The following SLCO3A1 variants were observed in gnomAD, a reference collection of about 807,000 sequenced individuals.
The protein encoded by SLCO3A1 is PGE1 transporter.
A neutral mutation model predicts 63.1 loss-of-function variants in SLCO3A1; 27 were observed. That is an observed-to-expected ratio of 0.43 (90% CI 0.32 to 0.59). SLCO3A1 has a LOEUF of 0.59. Ranked by LOEUF, SLCO3A1 falls within the 20% of genes least tolerant of loss-of-function variation. The pLI is 0.09. For missense variants in SLCO3A1, 773 were observed against 945.8 expected (o/e 0.82, Z 2.40); for synonymous variants, 473 against 409.9 (o/e 1.15, Z -1.86).
chr15:91,985,566 A>G (rs2151439604), intron 2 of SLCO3A1, among the ~76,000 whole-genome samples: 1 of 152,146 alleles, frequency 6.6e-6, no homozygotes, highest in Non-Finnish European at 1.5e-5. Context: ...CCTAATGAGC[A>G]CGGGTTGAGG....
rs557822386 is a variant in SLCO3A1, at chr15:92,116,386, C to T, written c.1010-4079C>T. 1.3e-3 allele frequency among the ~76,000 whole-genome samples: 204 copies of T among 152,344 alleles called. 1 individual carries two copies. The highest frequency in any genetic ancestry group is 4.6e-3 in the African/African-American group (190 of 41,584). On this transcript the variant is annotated intron_variant, in intron 4 of 9. Transcript: ENST00000318445. The stretch of plus-strand genomic sequence containing the variant: ...GAGACCGCTCTCCTGCCGCTCTTTC[C>T]ACCTTTGTGTCATCTTGCTGGTGAC...
At chr15:91,892,453 C>A (rs770589677) in intron 1 of SLCO3A1, among the ~76,000 whole-genome samples, 10 of 152,172 alleles carry the variant, frequency 6.6e-5, no homozygotes, top group Admixed American at 2.6e-4. Flanking sequence ...TACCTGTGAA[C>A]AAGGTAACTG....
intron 2 of SLCO3A1, among the ~76,000 whole-genome samples, chr15:92,078,958 G>A (rs776885232): frequency 8.5e-5 from 13 of 152,140 alleles, no homozygotes; most frequent in African/African-American, 2.4e-4. Context: ...TGCCATACTC[G>A]AGCTTGCGCC....
At chr15:92,043,406 T>C (rs542422826) in intron 2 of SLCO3A1, among the ~76,000 whole-genome samples, 4 of 152,210 alleles carry the variant, frequency 2.6e-5, no homozygotes, top group Admixed American at 6.5e-5. Flanking sequence ...TTGCTCTGCC[T>C]GTATAACCAG....
At chr15:92,031,193 A>G (rs1290186749) in intron 2 of SLCO3A1, among the ~76,000 whole-genome samples, 1 of 152,200 alleles carries the variant, frequency 6.6e-6, no homozygotes, top group Non-Finnish European at 1.5e-5. Context: ...AAGACAAAAG[A>G]CATCAATAGA....
chr15:92,075,236 C>T (rs1482043484), intron 2 of SLCO3A1, among the ~76,000 whole-genome samples: 1 of 152,190 alleles, frequency 6.6e-6, no homozygotes, highest in Non-Finnish European at 1.5e-5. Context: ...AGTGTTCCAG[C>T]CTTGCTGCCT....
intron 3 of SLCO3A1, among the ~76,000 whole-genome samples, chr15:92,100,375 T>G (rs1375899554): frequency 6.6e-6 from 1 of 152,234 alleles, no homozygotes; most frequent in East Asian, 1.9e-4. Context: ...GTGCCACACC[T>G]TGACTCAGCC....
At chr15:92,161,174 G>C (rs762069921) in intron 9 of SLCO3A1, among the ~76,000 whole-genome samples, 3 of 152,144 alleles carry the variant, frequency 2.0e-5, no homozygotes, top group Non-Finnish European at 4.4e-5. Flanking sequence ...GAAGATGGTT[G>C]GCACTTTATT....
intron 2 of SLCO3A1, among the ~76,000 whole-genome samples, chr15:92,038,429 A>G (rs770929154): frequency 2.0e-5 from 3 of 152,212 alleles, no homozygotes; most frequent in East Asian, 1.9e-4. Flanking sequence ...TCAATGTGCA[A>G]AAATCACAAG....
chr15:91,988,334 C>T (rs913144057), intron 2 of SLCO3A1, among the ~76,000 whole-genome samples: 3 of 152,064 alleles, frequency 2.0e-5, no homozygotes, highest in Non-Finnish European at 4.4e-5. Flanking sequence ...GAGTGAGGCC[C>T]TGTCGCAATC....
intron 2 of SLCO3A1, among the ~76,000 whole-genome samples, chr15:91,957,581 C>G (rs566893737): frequency 6.6e-6 from 1 of 152,160 alleles, no homozygotes; most frequent in African/African-American, 2.4e-5. Context: ...TTTGCTGTTC[C>G]CTCTACCTGG....
At chr15:92,009,544 C>T (rs2046347310) in intron 2 of SLCO3A1, among the ~76,000 whole-genome samples, 1 of 152,204 alleles carries the variant, frequency 6.6e-6, no homozygotes, top group Non-Finnish European at 1.5e-5. Context: ...AGGAAGACAG[C>T]AGGCTTTGAC....
intron 4 of SLCO3A1, among the ~76,000 whole-genome samples, chr15:92,109,833 C>G (rs905760404): frequency 6.6e-6 from 1 of 152,096 alleles, no homozygotes. Context: ...TACCTCTGTC[C>G]TGATCAGGGA....
In SLCO3A1 at chr15:92,098,942, G is replaced by C. The variant is rs142404892; in HGVS notation, c.745+3963G>C. ...GAGAGGTTAACAGTTTCCACAGCTA[G>C]GGATAGAGCAGGGATTCATCCCCAG... is the stretch of plus-strand genomic sequence containing the variant. On this transcript the variant is annotated intron_variant, in intron 3 of 9. Transcript: ENST00000318445. Among the ~76,000 whole-genome samples the C allele has an allele frequency of 5.2e-4, 79 of 152,342 alleles. 1 individual carries two copies. In the East Asian group the frequency reaches 0.014, roughly 28 times the overall value.
At chr15:92,095,452 C>A (rs2047527205) in intron 3 of SLCO3A1, among the ~76,000 whole-genome samples, 1 of 152,220 alleles carries the variant, frequency 6.6e-6, no homozygotes, top group Non-Finnish European at 1.5e-5. Flanking sequence ...AATATTGGAA[C>A]ATCCTTTTAG....
At chr15:91,965,496 TG>T (rs1191844221) in intron 2 of SLCO3A1, among the ~76,000 whole-genome samples, 1 of 152,230 alleles carries the variant, frequency 6.6e-6, no homozygotes, top group Non-Finnish European at 1.5e-5. Flanking sequence ...CTTCATTGAC[TG>T]TTCACTTTAG....
At chr15:92,041,970 C>A (rs1430831657) in intron 2 of SLCO3A1, among the ~76,000 whole-genome samples, 1 of 152,176 alleles carries the variant, frequency 6.6e-6, no homozygotes, top group East Asian at 1.9e-4. Context: ...ATTTAATGGC[C>A]ATGAGGCTCA....
At chr15:91,881,385 A>T (rs1393288348) in intron 1 of SLCO3A1, among the ~76,000 whole-genome samples, 1 of 151,924 alleles carries the variant, frequency 6.6e-6, no homozygotes, top group Non-Finnish European at 1.5e-5. Context: ...ACAGGTCTGT[A>T]TTCCTGGTTT....
chr15:92,125,375 G>C (rs1000995870), intron 5 of SLCO3A1, among the ~76,000 whole-genome samples: 1 of 152,148 alleles, frequency 6.6e-6, no homozygotes, highest in African/African-American at 2.4e-5. Context: ...TGGTCTCTGC[G>C]AATCAGAAAT....
Sources: allele counts gnomAD v4.1 joint callset (sites outside exome capture counted in the v4.1 genomes callset), GRCh38; gene constraint gnomAD v4.1.1; transcripts MANE v1.5; gene names NCBI Gene and HGNC (gene_info 2026-07-23, HGNC 2026-07-21).